The following LAMA1 variants were observed in gnomAD, a reference collection of about 807,000 sequenced individuals.
The protein encoded by LAMA1 is laminin subunit alpha 1.
LAMA1 carries 219 observed loss-of-function variants against 348.7 expected under a neutral mutation model. The ratio of observed to expected loss-of-function variants is 0.63; its 90% CI spans 0.56 to 0.70. The LOEUF (loss-of-function observed/expected upper bound fraction) is 0.70. LAMA1 is among the 30% of genes least tolerant of loss of function. The probability of loss-of-function intolerance (pLI) is 0.00; values close to 1 mark genes in which losing one functional copy is unlikely to be tolerated. For missense variants in LAMA1, 3,744 were observed against 3,888.0 expected (o/e 0.96, Z 0.99); for synonymous variants, 1,487 against 1,491.0 (o/e 1.00, Z 0.06).
intron 1 of LAMA1, among the ~76,000 whole-genome samples, chr18:7,081,325 C>G (rs2058192574): frequency 6.6e-6 from 1 of 152,206 alleles, no homozygotes. Flanking sequence ...ACGTCTTTCA[C>G]TTGAAAGAAG....
At chr18:7,053,847 G>A (rs968874995) in intron 3 of LAMA1, among the ~76,000 whole-genome samples, 1 of 149,016 alleles carries the variant, frequency 6.7e-6, no homozygotes, top group Non-Finnish European at 1.5e-5. Context: ...GCAATGGCAC[G>A]ATATCAGCTC....
At chr18:6,948,251 G>C in intron 60 of LAMA1, 152 bp downstream of exon 60, 3 of 1,071,156 alleles carry the variant, frequency 2.8e-6, no homozygotes, top group Non-Finnish European at 4.1e-6. Flanking sequence ...GGCTTTTTAC[G>C]CCAAGAAATT....
intron 1 of LAMA1, among the ~76,000 whole-genome samples, chr18:7,110,896 C>T (rs1048981380): frequency 2.0e-5 from 3 of 151,716 alleles, no homozygotes; most frequent in Admixed American, 6.6e-5. Context: ...CCTCCCCCCC[C>T]CCACTTCTAA....
At chr18:7,039,271 T>C (rs1353075380) in intron 10 of LAMA1, among the ~76,000 whole-genome samples, 1 of 152,244 alleles carries the variant, frequency 6.6e-6, no homozygotes, top group Non-Finnish European at 1.5e-5. Flanking sequence ...TAGAATTTTC[T>C]CTTATTCATA....
At chr18:6,981,498 C>T (rs772153698) in intron 41 of LAMA1, among the ~76,000 whole-genome samples, 1 of 152,184 alleles carries the variant, frequency 6.6e-6, no homozygotes, top group Non-Finnish European at 1.5e-5. Flanking sequence ...TCATAACATA[C>T]AATCACATTT....
chr18:7,087,651 A>G (rs1360471010), intron 1 of LAMA1, among the ~76,000 whole-genome samples: 1 of 152,222 alleles, frequency 6.6e-6, no homozygotes, highest in Non-Finnish European at 1.5e-5. Context: ...ATCAATATGT[A>G]TTTGGATTTT....
chr18:6,963,529 G>A (rs2057618404), intron 51 of LAMA1, among the ~76,000 whole-genome samples: 2 of 152,266 alleles, frequency 1.3e-5, no homozygotes. Context: ...AAGGGGCACA[G>A]TGGAGAAGTG....
At chr18:7,057,864 C>T (rs570929045) in intron 3 of LAMA1, among the ~76,000 whole-genome samples, 18 of 150,528 alleles carry the variant, frequency 1.2e-4, no homozygotes, top group East Asian at 3.9e-4. Flanking sequence ...GTGCGATCTC[C>T]GCTCACTGCA....
chr18:6,965,762 C>T, intron 49 of LAMA1: 2 of 410,928 alleles, frequency 4.9e-6, no homozygotes, highest in Non-Finnish European at 8.8e-6. Flanking sequence ...AATCACCAGC[C>T]CATGAGATGC....
chr18:6,973,834 G>A (rs950602562), intron 46 of LAMA1, among the ~76,000 whole-genome samples: 3 of 152,176 alleles, frequency 2.0e-5, no homozygotes, highest in Admixed American at 1.3e-4. Context: ...AGACTGGAAC[G>A]CAGTGGTGTG....
intron 20 of LAMA1, among the ~76,000 whole-genome samples, chr18:7,017,069 A>G (rs1042360430): frequency 4.6e-5 from 7 of 152,118 alleles, no homozygotes; most frequent in African/African-American, 1.7e-4. Flanking sequence ...CCCTTCCACC[A>G]TGATTGTAAG....
Position 7,034,553 on chromosome 18 carries a change from C to T in LAMA1, c.1977G>A (p.Leu659=), listed in dbSNP as rs147417861. The change falls in exon 14 of 63, where the codon CTG becomes CTA. Residue 659 remains leucine, a synonymous_variant. Transcript: ENST00000389658. ...GTGTCACATTGGCAAGGACAGTCAT[C>T]AGCTGGTCACGATCAATCTGCCTTT... ...HSKRQIDRDQ[L]MTVLANVTHL... is the part of the protein sequence containing the mutation. The T allele has an allele frequency of 3.4e-4, 542 of 1,614,140 alleles. 6 individuals carry two copies. In the East Asian group the frequency reaches 0.011, roughly 33 times the overall value.
Position 6,978,259 on chromosome 18 carries a change from G to A in LAMA1, c.6127C>T (p.Leu2043=). 6.2e-7 allele frequency: 1 copy of A among 1,614,248 alleles called. No homozygotes were observed. The highest frequency in any genetic ancestry group is 8.5e-7 in the Non-Finnish European group (1 of 1,180,052). ...CGTAATGTGGTGTTGACCCTGGACAGGCTGGCAGATGTGTTCAGCAGCTCC... is the reference window on the plus strand; with the variant it reads ...CGTAATGTGGTGTTGACCCTGGACAAGCTGGCAGATGTGTTCAGCAGCTCC... ...SQELLNTSAS[L]SRVNTTLRET... The change falls in exon 43 of 63, where the codon CTG becomes TTG. Residue 2043 remains leucine, a synonymous_variant. Coordinates refer to ENST00000389658, the MANE Select transcript of LAMA1 (RefSeq NM_005559.4).
chr18:6,965,277 T>C lies in LAMA1; in HGVS notation c.7195+11A>G, dbSNP rs781519436. On this transcript the variant is annotated intron_variant, in intron 50 of 62. Transcript: ENST00000389658. Reference sequence around the variant, plus strand: ...GTGACCGACATCTGGTGAGTCCATCTGTGTCCCTACCTTGCTTCCGGTTTC... The same window carrying C: ...GTGACCGACATCTGGTGAGTCCATCCGTGTCCCTACCTTGCTTCCGGTTTC... The C allele has an allele frequency of 4.3e-6, 7 of 1,614,078 alleles. No individual in the cohort carries two copies. The highest frequency in any genetic ancestry group is 5.9e-6 in the Non-Finnish European group (7 of 1,180,016).
At chr18:7,071,095 A>T (rs1325917998) in intron 3 of LAMA1, among the ~76,000 whole-genome samples, 4 of 152,178 alleles carry the variant, frequency 2.6e-5, no homozygotes, top group Non-Finnish European at 5.9e-5. Flanking sequence ...AGCTCTTGCC[A>T]GTCTCCCCAT....
In LAMA1 at chr18:6,985,301, C is replaced by T. The variant is rs768494041; in HGVS notation, c.5596G>A (p.Asp1866Asn). The change falls in exon 39 of 63, where the codon GAC becomes AAC. Residue 1866 changes from aspartate (D) to asparagine (N), a missense_variant. This residue lies in a region of LAMA1 where 1,983 missense variants were observed against 1,934.3 expected (regional missense o/e 1.03). Coordinates refer to ENST00000389658, the MANE Select transcript of LAMA1 (RefSeq NM_005559.4). ...TGGTCCTCAGCTCTGTAGACCAGGTCGACTGCGTTCCTTTGGGACATGTGC... is the reference window on the plus strand; with the variant it reads ...TGGTCCTCAGCTCTGTAGACCAGGTTGACTGCGTTCCTTTGGGACATGTGC... ...VMHMSQRNAVDLVYRAEDHAA... is the reference protein window; with the variant it reads ...VMHMSQRNAVNLVYRAEDHAA... 7 of 1,614,142 alleles carry T rather than the reference C, an allele frequency of 4.3e-6. No homozygotes were observed. Among genetic ancestry groups the T allele is most frequent in the South Asian group, 2.2e-5 (2 of 91,076 alleles).
At chr18:6,967,234 G>T (rs2057637306) in intron 48 of LAMA1, among the ~76,000 whole-genome samples, 2 of 152,166 alleles carry the variant, frequency 1.3e-5, no homozygotes, top group South Asian at 4.1e-4. Flanking sequence ...CTGCACTCTT[G>T]CTTTTTCAAA....
At chr18:7,017,702 A>G (rs1345054443) in intron 19 of LAMA1, among the ~76,000 whole-genome samples, 1 of 152,236 alleles carries the variant, frequency 6.6e-6, no homozygotes, top group African/African-American at 2.4e-5. Context: ...AAAACATGCA[A>G]TGGAGATTTC....
Position 7,040,224 on chromosome 18 carries a change from C to G in LAMA1, c.1274G>C (p.Gly425Ala), listed in dbSNP as rs368665310. ...ATAACCTTCCTTACATGGGCACTGA[C>G]CTGGCTGCTTCCCTAGAAAGACAAC... ...HSDLHNGKQPGQCPCKEGYTG... is the reference protein window; with the variant it reads ...HSDLHNGKQPAQCPCKEGYTG... The change falls in exon 10 of 63, where the codon GGT becomes GCT. Residue 425 changes from glycine to alanine, a missense_variant. Around this residue, in one of 3 missense-constraint regions of LAMA1, gnomAD observed 1,529 missense variants for 1,689.4 expected, o/e 0.91. Coordinates refer to ENST00000389658, the MANE Select transcript of LAMA1 (RefSeq NM_005559.4). 214 of 1,614,024 alleles carry G rather than the reference C, an allele frequency of 1.3e-4. 1 individual carries two copies. Among genetic ancestry groups the G allele is most frequent in the Non-Finnish European group, 1.7e-4 (200 of 1,180,038 alleles).
Sources: gnomAD v4.1 joint callset for allele counts (sites outside exome capture counted in the v4.1 genomes callset) on GRCh38, gnomAD v4.1.1 for gene constraint, gnomAD v4.1.1 regional missense constraint, MANE v1.5 for transcripts, NCBI Gene and HGNC (gene_info 2026-07-23, HGNC 2026-07-21) for gene names.